Variants in SBNO2 observed in about 807,000 individuals in gnomAD.
SBNO2 encodes the protein strawberry notch homolog 2.
In SBNO2, 89 loss-of-function variants were observed where a neutral mutation model predicts 146.3. The observed-to-expected ratio is 0.61, with a 90% confidence interval of 0.51 to 0.73. The LOEUF is 0.73. Among genes scored for constraint, SBNO2 ranks in the 30% least tolerant of loss-of-function variants. SBNO2 has a pLI of 0.00. For missense variants in SBNO2, 2,092 were observed against 2,003.7 expected (o/e 1.04, Z -0.84); for synonymous variants, 1,147 against 892.6 (o/e 1.29, Z -5.08).
At chr19:1,162,660 A>G (rs572730208) in intron 1 of SBNO2, among the ~76,000 whole-genome samples, 2 of 152,202 alleles carry the variant, frequency 1.3e-5, no homozygotes, top group South Asian at 4.1e-4. Context: ...GTGGAGCCCA[A>G]CCTCCAGACC....
intron 24 of SBNO2, 93 bp downstream of exon 24, chr19:1,111,413 C>G (rs1038409924): frequency 1.1e-6 from 1 of 895,144 alleles, no homozygotes; most frequent in Non-Finnish European, 1.8e-6. Context: ...CAACACACAA[C>G]CGGCCTACAA....
rs962360382 is a variant in SBNO2 at position 1,136,827 on chromosome 19, C to G, written c.280-9062G>C. On this transcript the variant is annotated intron_variant, in intron 4 of 31. Coordinates refer to ENST00000361757, the MANE Select transcript of SBNO2 (RefSeq NM_014963.3). The surrounding 1 kb of genome is among the most constrained non-coding windows in gnomAD (Gnocchi z 4.2). ...CGCTTTTCTGAGCCGTGAGCTCATCCTGAGCTTCCCAGAAGCCCCCGGGCT... is the reference window on the plus strand; with the variant it reads ...CGCTTTTCTGAGCCGTGAGCTCATCGTGAGCTTCCCAGAAGCCCCCGGGCT... Among the ~76,000 whole-genome samples, 2 of 152,126 alleles carry G rather than the reference C, an allele frequency of 1.3e-5. No individual in the cohort carries two copies. Among genetic ancestry groups the G allele is most frequent in the African/African-American group, 4.8e-5 (2 of 41,430 alleles).
rs921611428 is a variant in SBNO2 at position 1,144,170 on chromosome 19, G to A, written c.279+3139C>T. On this transcript the variant is annotated intron_variant, in intron 4 of 31. Coordinates refer to ENST00000361757, the MANE Select transcript of SBNO2 (RefSeq NM_014963.3). The surrounding 1 kb of genome is among the most constrained non-coding windows in gnomAD (Gnocchi z 4.1). ...CCCACACTTGGCACCGCGGGACCAC[G>A]CATCCCGTCCCACACTCGACACCAC... Among the ~76,000 whole-genome samples the A allele has an allele frequency of 6.6e-6, 1 of 151,224 alleles. No individual in the cohort carries two copies.
At chr19:1,146,545 G>A (rs1018740537) in intron 4 of SBNO2, among the ~76,000 whole-genome samples, 4 of 151,982 alleles carry the variant, frequency 2.6e-5, no homozygotes, top group African/African-American at 7.3e-5. Context: ...GGTGACCCTC[G>A]CTCCCCGGCA....
intron 1 of SBNO2, among the ~76,000 whole-genome samples, chr19:1,164,635 G>A (rs1236390996): frequency 4.0e-5 from 6 of 148,862 alleles, no homozygotes; most frequent in African/African-American, 7.4e-5. Context: ...AGGAGGAGGA[G>A]GAGGAGGAGG....
intron 1 of SBNO2, among the ~76,000 whole-genome samples, chr19:1,164,370 G>A (rs1236223572): frequency 1.4e-5 from 2 of 147,104 alleles, no homozygotes; most frequent in Non-Finnish European, 3.0e-5. Context: ...CGTCCCAGAT[G>A]CCAGGGGCAG....
intron 1 of SBNO2, among the ~76,000 whole-genome samples, chr19:1,165,706 C>A (rs146339757): frequency 4.9e-5 from 3 of 61,782 alleles, no homozygotes; most frequent in Non-Finnish European, 7.5e-5. Context: ...AGACCCCAGA[C>A]CCCAGATCTC....
intron 3 of SBNO2, 112 bp downstream of exon 3, chr19:1,149,257 A>T: frequency 1.0e-6 from 1 of 983,390 alleles, no homozygotes; most frequent in South Asian, 1.5e-5. Flanking sequence ...CACCCTCCAA[A>T]CCCCTCAACA....
At position 1,167,845 on chromosome 19, in the gene SBNO2, G is replaced by A. The variant is rs1434382502; in HGVS notation, c.-127+6327C>T. On this transcript the variant is annotated intron_variant, in intron 1 of 31. Transcript: ENST00000361757. ...ACCCAGGCTCCTGAACGGCCAGCCA[G>A]GAGCAAAGCCGGCCACTGAGTACGG... Among the ~76,000 whole-genome samples, 7 of 152,322 alleles carry A rather than the reference G, an allele frequency of 4.6e-5. No individual in the cohort carries two copies. In the East Asian group the frequency reaches 1.2e-3, roughly 25 times the overall value.
intron 4 of SBNO2, among the ~76,000 whole-genome samples, chr19:1,146,487 C>T (rs549379873): frequency 3.8e-4 from 58 of 152,264 alleles, no homozygotes; most frequent in African/African-American, 1.4e-3. Flanking sequence ...GCAGATCTCA[C>T]ATGCCCATTA....
intron 1 of SBNO2, among the ~76,000 whole-genome samples, chr19:1,169,588 G>C (rs967574501): frequency 1.3e-5 from 2 of 152,148 alleles, no homozygotes; most frequent in African/African-American, 4.8e-5. Flanking sequence ...AGGGGCCCCC[G>C]GGGGGTGGGG....
In SBNO2 at chr19:1,113,661, G is replaced by A. The variant is rs1254450368; in HGVS notation, c.2121C>T (p.Val707=). The A allele has an allele frequency of 6.3e-7, 1 of 1,597,118 alleles. No individual in the cohort carries two copies. The highest frequency in any genetic ancestry group is 8.5e-7 in the Non-Finnish European group (1 of 1,172,994). ...GCTTCAGCCGCTCCACCCGCTCCAG[G>A]ACCCCGGGGCCATGCGGGTCTCTCT... ...LLQRDPHGPG[V]LERVERLKQD... is the part of the protein sequence containing the mutation. The change falls in exon 19 of 32, where the codon GTC becomes GTT. Residue 707 remains valine (V), a synonymous_variant. Coordinates refer to ENST00000361757, the MANE Select transcript of SBNO2 (RefSeq NM_014963.3).
rs193270747 is a variant in SBNO2, at chr19:1,107,827, G to A, written c.*393C>T. ...GGGAGAATTGCATATATTAGCAGGG[G>A]TCTGCCCCACGGAGCCCCCGAGACG... is the stretch of plus-strand genomic sequence containing the variant. On this transcript the variant is annotated 3_prime_UTR_variant, in exon 32 of 32. Coordinates refer to ENST00000361757, the MANE Select transcript of SBNO2 (RefSeq NM_014963.3). 25 of 156,994 alleles carry A rather than the reference G, an allele frequency of 1.6e-4. No homozygotes were observed. The East Asian group carries it at 4.4e-3, about 28-fold the overall frequency. The allele number at this position is 156,994 out of a possible 1,614,324, so 9.7% of individuals were successfully genotyped here.
chr19:1,170,067 C>T (rs924816749), intron 1 of SBNO2, among the ~76,000 whole-genome samples: 2 of 152,216 alleles, frequency 1.3e-5, no homozygotes, highest in Admixed American at 6.5e-5. Flanking sequence ...AGTCACGTGC[C>T]GTGGCCTTTT....
At chr19:1,129,476 G>A (rs1219779251) in intron 4 of SBNO2, among the ~76,000 whole-genome samples, 1 of 152,094 alleles carries the variant, frequency 6.6e-6, no homozygotes, top group Admixed American at 6.5e-5. Context: ...CTGCCCGCCT[G>A]AGGCCCAGAG....
intron 1 of SBNO2, among the ~76,000 whole-genome samples, chr19:1,164,933 CAGG>C (rs1224844922): frequency 1.3e-3 from 10 of 7,462 alleles, no homozygotes; most frequent in East Asian, 6.1e-3. Flanking sequence ...GGAGGAGGCA[CAGG>C]AGGAGGAGGA....
intron 1 of SBNO2, among the ~76,000 whole-genome samples, chr19:1,161,906 C>CGGG (rs916715232): frequency 3.0e-3 from 4 of 1,344 alleles, no homozygotes; most frequent in Admixed American, 0.016. Context: ...TGGGGAGCCG[C>CGGG]GGGGGGGGGG....
At chr19:1,139,528 C>T (rs1158175286) in intron 4 of SBNO2, among the ~76,000 whole-genome samples, 2 of 152,022 alleles carry the variant, frequency 1.3e-5, no homozygotes, top group Non-Finnish European at 2.9e-5. Flanking sequence ...GGCGTGGTGG[C>T]TCGCACCTGT....
rs1491060405 is a variant in SBNO2 at position 1,144,897 on chromosome 19, CAG to C, written c.279+2410_279+2411del. 4.8e-5 allele frequency among the ~76,000 whole-genome samples: 6 copies of C among 123,922 alleles called. No homozygotes were observed. Among genetic ancestry groups the C allele is most frequent in the African/African-American group, 2.1e-4 (6 of 28,464 alleles). 81.3% of individuals were successfully genotyped at this position (123,922 alleles called of 152,430 possible). ...AGAGACAGAGAGGGAGACAGAGAGA[CAG>C]AGGCGGAGATGGAGACAGAGACAGA... On this transcript the variant is annotated intron_variant, in intron 4 of 31. Coordinates refer to ENST00000361757, the MANE Select transcript of SBNO2 (RefSeq NM_014963.3). The surrounding 1 kb of genome is among the most constrained non-coding windows in gnomAD (Gnocchi z 4.1).
Sources: allele counts gnomAD v4.1 joint callset (sites outside exome capture counted in the v4.1 genomes callset), GRCh38; gene constraint gnomAD v4.1.1; non-coding constraint Gnocchi (gnomAD v3.1); transcripts MANE v1.5; gene names NCBI Gene and HGNC (gene_info 2026-07-23, HGNC 2026-07-21).